Variants in RBFOX1 observed in about 807,000 individuals in gnomAD.
The protein encoded by RBFOX1 is RNA binding protein fox-1 homolog 1.
Under a neutral mutation model 57.7 loss-of-function variants are expected in RBFOX1, and 8 were observed. The observed-to-expected ratio is 0.14, with a 90% CI of 0.08 to 0.25. The LOEUF is 0.25. RBFOX1 is among the 10% of genes least tolerant of loss of function. RBFOX1 has a pLI of 1.00. For synonymous variants in RBFOX1, 326 were observed against 222.4 expected (o/e 1.47, Z -4.15); for missense variants, 611 against 548.5 (o/e 1.11, Z -1.14).
At chr16:7,537,596 A>T (rs968603628) in intron 5 of RBFOX1, among the ~76,000 whole-genome samples, 10 of 152,202 alleles carry the variant, frequency 6.6e-5, no homozygotes, top group Non-Finnish European at 7.3e-5. Flanking sequence ...GGGGGTGAAG[A>T]CATCGTAAAA....
chr16:7,045,650 T>C (rs902981349), intron 3 of RBFOX1, among the ~76,000 whole-genome samples: 5 of 147,216 alleles, frequency 3.4e-5, no homozygotes, highest in African/African-American at 1.1e-4. Flanking sequence ...TCTTGTTATA[T>C]ACTTTTTTTT....
chr16:6,460,555 C>G (rs962654277), intron 2 of RBFOX1, among the ~76,000 whole-genome samples: 21 of 151,948 alleles, frequency 1.4e-4, no homozygotes, highest in African/African-American at 5.1e-4. Flanking sequence ...GATACCATCT[C>G]ACACCAGTCA....
intron 1 of RBFOX1, among the ~76,000 whole-genome samples, chr16:5,246,857 G>A (rs1024389152): frequency 1.3e-5 from 2 of 152,030 alleles, no homozygotes; most frequent in Non-Finnish European, 2.9e-5. Context: ...TTTTTGTAGA[G>A]ATGGGGTCTT....
intron 1 of RBFOX1, among the ~76,000 whole-genome samples, chr16:6,172,997 G>A (rs1394921660): frequency 6.6e-6 from 1 of 152,140 alleles, no homozygotes; most frequent in African/African-American, 2.4e-5. Context: ...CATCTTCGAA[G>A]CCAGGGATGT....
At chr16:6,198,331 A>C (rs975593305) in intron 1 of RBFOX1, among the ~76,000 whole-genome samples, 1 of 152,224 alleles carries the variant, frequency 6.6e-6, no homozygotes. Context: ...GACAAGATAC[A>C]TTCAAGGGAA....
intron 3 of RBFOX1, among the ~76,000 whole-genome samples, chr16:7,035,031 A>T (rs148787606): frequency 2.0e-5 from 3 of 150,438 alleles, no homozygotes; most frequent in African/African-American, 7.3e-5. Context: ...TATTTTTATT[A>T]GAGACAGGGT....
intron 3 of RBFOX1, among the ~76,000 whole-genome samples, chr16:6,889,825 T>C (rs2064998953): frequency 1.3e-5 from 2 of 152,228 alleles, no homozygotes; most frequent in Admixed American, 1.3e-4. Flanking sequence ...TTTAGGTGGT[T>C]CACAGACACA....
chr16:7,700,699 G>A (rs2080389985), intron 14 of RBFOX1, among the ~76,000 whole-genome samples: 1 of 152,100 alleles, frequency 6.6e-6, no homozygotes, highest in Non-Finnish European at 1.5e-5. Context: ...TTTTAGAGGA[G>A]GTATTCTAGG....
chr16:5,959,652 G>A (rs1220461635), intron 4 of RBFOX1, among the ~76,000 whole-genome samples: 1 of 152,114 alleles, frequency 6.6e-6, no homozygotes, highest in Non-Finnish European at 1.5e-5. Flanking sequence ...GATGTGTAAG[G>A]AATGACAGTT....
chr16:7,597,572 C>T (rs1045091329), intron 9 of RBFOX1, 141 bp downstream of exon 9: 5 of 635,008 alleles, frequency 7.9e-6, no homozygotes, highest in Admixed American at 7.0e-5. Flanking sequence ...TACAGTGAAC[C>T]ACCTACATCA....
chr16:7,224,954 T>A (rs1034678873), intron 4 of RBFOX1, among the ~76,000 whole-genome samples: 3 of 152,174 alleles, frequency 2.0e-5, no homozygotes, highest in Admixed American at 6.5e-5. Flanking sequence ...GTGATAAGAG[T>A]GGCAGAATTC....
At chr16:6,123,212 T>A (rs1238368532) in intron 1 of RBFOX1, among the ~76,000 whole-genome samples, 1 of 152,186 alleles carries the variant, frequency 6.6e-6, no homozygotes, top group Non-Finnish European at 1.5e-5. Context: ...CAGTGTTTAT[T>A]GTAGAATTAT....
chr16:7,375,767 C>A (rs537803822), intron 4 of RBFOX1, among the ~76,000 whole-genome samples: 51 of 152,244 alleles, frequency 3.3e-4, no homozygotes, highest in African/African-American at 1.2e-3. Context: ...GGGTTCCTTT[C>A]CTACTCTCTC....
At chr16:6,399,765 A>G (rs1596608468) in intron 2 of RBFOX1, among the ~76,000 whole-genome samples, 6 of 152,296 alleles carry the variant, frequency 3.9e-5, no homozygotes, top group Admixed American at 3.9e-4. Flanking sequence ...AGACTCGGTG[A>G]TTTATAAAGA....
At chr16:6,676,771 G>A (rs994140844) in intron 3 of RBFOX1, among the ~76,000 whole-genome samples, 1 of 148,784 alleles carries the variant, frequency 6.7e-6, no homozygotes, top group Admixed American at 6.8e-5. Context: ...TGCCTCCCAG[G>A]TTGAAGCATT....
intron 4 of RBFOX1, among the ~76,000 whole-genome samples, chr16:7,349,724 C>T (rs959346105): frequency 1.3e-5 from 2 of 152,114 alleles, no homozygotes; most frequent in African/African-American, 4.8e-5. Flanking sequence ...ATTTATTCAA[C>T]ATTCAGTGTG....
rs547554298 is a variant in RBFOX1 at position 5,947,348 on chromosome 16, T to C, written c.351+80013T>C. ...GGACACCTCTTTTTACAACCATGTG[T>C]TCTACATTGCAATGACAGATTTTTG... On this transcript the variant is annotated intron_variant, in intron 4 of 19. Transcript: ENST00000641259. This position sits in a 1 kb window ranked among gnomAD's most constrained non-coding sequence, Gnocchi z 7.2. 1.3e-5 allele frequency among the ~76,000 whole-genome samples: 2 copies of C among 152,334 alleles called. No individual in the cohort carries two copies. The highest frequency in any genetic ancestry group is 1.9e-4 in the East Asian group (1 of 5,188).
At chr16:7,298,444 A>G (rs954914304) in intron 4 of RBFOX1, among the ~76,000 whole-genome samples, 8 of 152,020 alleles carry the variant, frequency 5.3e-5, no homozygotes, top group African/African-American at 1.9e-4. Context: ...GCGTGCGACT[A>G]TGCCTGAGGG....
chr16:7,230,582 T>A (rs1351355085), intron 4 of RBFOX1, among the ~76,000 whole-genome samples: 1 of 152,172 alleles, frequency 6.6e-6, no homozygotes, highest in Non-Finnish European at 1.5e-5. Context: ...AAGGTTCGTT[T>A]CATTTCCCAA....
Sources: allele counts gnomAD v4.1 joint callset (sites outside exome capture counted in the v4.1 genomes callset), GRCh38; gene constraint gnomAD v4.1.1; non-coding constraint Gnocchi (gnomAD v3.1); transcripts MANE v1.5; gene names NCBI Gene and HGNC (gene_info 2026-07-23, HGNC 2026-07-21).